PC: variants seen among roughly 807,000 people sequenced by gnomAD.
PC encodes pyruvate carboxylase, mitochondrial.
Under a neutral mutation model 107.8 loss-of-function variants are expected in PC, and 46 were observed. The ratio of observed to expected loss-of-function variants is 0.43; its 90% CI spans 0.34 to 0.55. PC has a LOEUF of 0.55. Ranked by LOEUF, PC falls within the 20% of genes least tolerant of loss-of-function variation. The pLI is 0.04. For synonymous variants in PC, 662 were observed against 684.7 expected (o/e 0.97, Z 0.52); for missense variants, 1,241 against 1,643.1 (o/e 0.76, Z 4.23).
chr11:66,891,207 C>T (rs1237419525), intron 3 of PC, among the ~76,000 whole-genome samples: 2 of 151,806 alleles, frequency 1.3e-5, no homozygotes, highest in African/African-American at 4.9e-5. Context: ...CAGATGTGCG[C>T]CAACATGCCC....
chr11:66,934,539 A>C, intron 3 of PC: 1 of 154,236 alleles, frequency 6.5e-6, no homozygotes, highest in Middle Eastern at 5.6e-4. Flanking sequence ...GAACTTGCTG[A>C]TCAGGGCTAA....
At chr11:66,875,249 G>A (rs532051707) in intron 3 of PC, among the ~76,000 whole-genome samples, 8 of 152,128 alleles carry the variant, frequency 5.3e-5, no homozygotes, top group African/African-American at 1.7e-4. Context: ...TATGGGGGTC[G>A]GGGTGGGGCT....
chr11:66,848,548 G>T lies in PC; in HGVS notation c.*351C>A. ...AGGGCAGGGGAAAGCCAGCTTTATT[G>T]AGTAAACTTCCCAGGACCTGGGACA... is the stretch of plus-strand genomic sequence containing the variant. On this transcript the variant is annotated 3_prime_UTR_variant, in exon 23 of 23. Transcript: ENST00000393960. The T allele has an allele frequency of 1.7e-6, 1 of 593,730 alleles. No homozygotes were observed. Among genetic ancestry groups the T allele is most frequent in the South Asian group, 2.1e-5 (1 of 48,644 alleles). 36.8% of individuals were successfully genotyped at this position (593,730 alleles called of 1,614,324 possible).
chr11:66,879,623 G>A (rs1354031881), intron 3 of PC, among the ~76,000 whole-genome samples: 1 of 152,358 alleles, frequency 6.6e-6, no homozygotes, highest in East Asian at 1.9e-4. Flanking sequence ...GGGCAGCAGT[G>A]AGCCTAGAGG....
chr11:66,934,880 C>T (rs889599853), intron 3 of PC, among the ~76,000 whole-genome samples: 1 of 152,184 alleles, frequency 6.6e-6, no homozygotes, highest in Non-Finnish European at 1.5e-5. Flanking sequence ...GCTGGGATTA[C>T]AGGTGTGAAC....
intron 3 of PC, among the ~76,000 whole-genome samples, chr11:66,880,404 G>A (rs1267680029): frequency 6.6e-6 from 1 of 152,176 alleles, no homozygotes; most frequent in Non-Finnish European, 1.5e-5. Context: ...AAAGCCGAAG[G>A]GAGCAGGGGC....
rs1197045854 is a variant in PC, at chr11:66,858,024, G to T, written c.1369-4641C>A. On this transcript the variant is annotated intron_variant, in intron 12 of 22. Transcript: ENST00000393960. This position sits in a 1 kb window ranked among gnomAD's most constrained non-coding sequence, Gnocchi z 5.9. Reference sequence around the variant, plus strand: ...CCGCATTGGGGCCCGCGCCTTTGGGGACCTCGAGAGCCTGCGTTCCCTCCA... The same window carrying T: ...CCGCATTGGGGCCCGCGCCTTTGGGTACCTCGAGAGCCTGCGTTCCCTCCA... 1 of 1,611,952 alleles carries T rather than the reference G, an allele frequency of 6.2e-7. No individual in the cohort carries two copies. The highest frequency in any genetic ancestry group is 2.2e-5 in the East Asian group (1 of 44,860).
chr11:66,884,481 A>G (rs2135990893), intron 3 of PC, among the ~76,000 whole-genome samples: 1 of 152,322 alleles, frequency 6.6e-6, no homozygotes, highest in Admixed American at 6.5e-5. Context: ...TCAGATAAAG[A>G]TTAGTAAGGC....
At chr11:66,894,235 C>A (rs1947671556) in intron 3 of PC, among the ~76,000 whole-genome samples, 1 of 152,140 alleles carries the variant, frequency 6.6e-6, no homozygotes, top group Non-Finnish European at 1.5e-5. Context: ...GTGCACCCTG[C>A]CTGTCCAGCC....
chr11:66,922,578 A>AG (rs1948620968), intron 3 of PC, among the ~76,000 whole-genome samples: 1 of 149,038 alleles, frequency 6.7e-6, no homozygotes, highest in South Asian at 2.1e-4. Context: ...AAAAAAAAAA[A>AG]GCAATGAGCC....
chr11:66,943,981 A>G (rs1459489097), intron 3 of PC, among the ~76,000 whole-genome samples: 4 of 148,896 alleles, frequency 2.7e-5, no homozygotes, highest in Non-Finnish European at 5.9e-5. Context: ...AAAAAAAAAA[A>G]AAAAAGAAAA....
chr11:66,860,309 T>C, intron 12 of PC: 2 of 1,420,574 alleles, frequency 1.4e-6, no homozygotes, highest in Non-Finnish European at 1.9e-6. Flanking sequence ...TACCTCAGGC[T>C]CCCCTGTGTA....
intron 10 of PC, among the ~76,000 whole-genome samples, chr11:66,867,245 G>A (rs1262473778): frequency 2.0e-5 from 3 of 152,154 alleles, no homozygotes; most frequent in African/African-American, 7.2e-5. Flanking sequence ...AATTAGCCAG[G>A]CCTGGTAGTG....
chr11:66,933,290 GA>G (rs1369246895), intron 3 of PC, among the ~76,000 whole-genome samples: 1 of 152,136 alleles, frequency 6.6e-6, no homozygotes, highest in Non-Finnish European at 1.5e-5. Flanking sequence ...GAGGCACTAA[GA>G]GGCAAGAACT....
intron 3 of PC, among the ~76,000 whole-genome samples, chr11:66,920,304 A>G (rs1591283417): frequency 6.6e-6 from 1 of 151,908 alleles, no homozygotes; most frequent in South Asian, 2.1e-4. Flanking sequence ...TTTACCCAGC[A>G]CCCCGTCACC....
intron 3 of PC, among the ~76,000 whole-genome samples, chr11:66,873,491 ATATAT>A (rs1364657185): frequency 0.016 from 699 of 44,214 alleles, 3 homozygotes; most frequent in Non-Finnish European, 0.023. Context: ...ATAATATTAT[ATATAT>A]TATATAATAT....
intron 3 of PC, among the ~76,000 whole-genome samples, chr11:66,930,006 G>C (rs1455045090): frequency 6.6e-6 from 1 of 152,026 alleles, no homozygotes; most frequent in African/African-American, 2.4e-5. Flanking sequence ...GCACGGCCCA[G>C]AGCCCAGCCA....
chr11:66,931,932 T>C (rs1416837331), intron 3 of PC, among the ~76,000 whole-genome samples: 3 of 146,636 alleles, frequency 2.0e-5, no homozygotes, highest in Admixed American at 7.0e-5. Flanking sequence ...GGCAGGAGAA[T>C]GGCGTGAACC....
At chr11:66,944,186 CAAGAGAATGGCATGAACT>C (rs1403809055) in intron 3 of PC, among the ~76,000 whole-genome samples, 1 of 115,502 alleles carries the variant, frequency 8.7e-6, no homozygotes, top group Non-Finnish European at 1.9e-5. Flanking sequence ...GAGGCTGAGG[CAAGAGAATGGCATGAACT>C]CAGGAGGAGA....
Sources: allele counts gnomAD v4.1 joint callset (sites outside exome capture counted in the v4.1 genomes callset), GRCh38; gene constraint gnomAD v4.1.1; non-coding constraint Gnocchi (gnomAD v3.1); transcripts MANE v1.5; gene names NCBI Gene and HGNC (gene_info 2026-07-23, HGNC 2026-07-21).